RAPGEF5: variants seen among roughly 807,000 people sequenced by gnomAD.
RAPGEF5 encodes Rap guanine nucleotide exchange factor 5.
Under a neutral mutation model 125.2 loss-of-function variants are expected in RAPGEF5, and 65 were observed. That is an observed-to-expected ratio of 0.52 (90% confidence interval 0.43 to 0.64). The LOEUF is 0.64. Among genes scored for constraint, RAPGEF5 ranks in the 30% least tolerant of loss-of-function variants. The pLI is 0.00. For missense variants in RAPGEF5, 958 were observed against 1,048.1 expected (o/e 0.91, Z 1.19); for synonymous variants, 391 against 385.9 (o/e 1.01, Z -0.16).
intron 7 of RAPGEF5, among the ~76,000 whole-genome samples, chr7:22,244,151 T>C (rs554763353): frequency 5.9e-5 from 9 of 152,124 alleles, no homozygotes; most frequent in African/African-American, 9.7e-5. Flanking sequence ...GACTGAATAG[T>C]ATTCTATTGT....
chr7:22,305,758 GTT>G (rs1390599501), intron 5 of RAPGEF5, among the ~76,000 whole-genome samples: 5 of 152,012 alleles, frequency 3.3e-5, no homozygotes, highest in Admixed American at 1.3e-4. Flanking sequence ...GTGTTCATGA[GTT>G]CAGTTGCTTT....
intron 1 of RAPGEF5, among the ~76,000 whole-genome samples, chr7:22,328,641 C>T (rs1783858115): frequency 6.6e-6 from 1 of 152,236 alleles, no homozygotes; most frequent in Non-Finnish European, 1.5e-5. Flanking sequence ...ACTCAAAGCA[C>T]ATTTACTGGT....
intron 8 of RAPGEF5, among the ~76,000 whole-genome samples, chr7:22,229,213 G>C (rs369011679): frequency 1.5e-3 from 225 of 152,242 alleles, no homozygotes; most frequent in African/African-American, 5.1e-3. Flanking sequence ...AAGCAGAAAA[G>C]GTATTTTTAG....
intron 10 of RAPGEF5, 136 bp downstream of exon 10, chr7:22,193,779 T>C: frequency 6.3e-7 from 1 of 1,593,976 alleles, no homozygotes; most frequent in Non-Finnish European, 8.5e-7. Context: ...GCTAGAACGC[T>C]GGAGAGGCGG....
chr7:22,221,582 G>A (rs1486887143), intron 8 of RAPGEF5, among the ~76,000 whole-genome samples: 1 of 152,080 alleles, frequency 6.6e-6, no homozygotes, highest in Non-Finnish European at 1.5e-5. Flanking sequence ...TAATCATAGG[G>A]GCAGGATTTT....
At chr7:22,218,205 G>A (rs1785688075) in intron 9 of RAPGEF5, among the ~76,000 whole-genome samples, 1 of 152,032 alleles carries the variant, frequency 6.6e-6, no homozygotes, top group South Asian at 2.1e-4. Flanking sequence ...CATTGGCCGT[G>A]ACTACTTATA....
chr7:22,326,675 A>G (rs1562530109), intron 1 of RAPGEF5, among the ~76,000 whole-genome samples: 1 of 152,172 alleles, frequency 6.6e-6, no homozygotes, highest in African/African-American at 2.4e-5. Flanking sequence ...TTCCATCTCT[A>G]CTTAGGTTAC....
intron 3 of RAPGEF5, among the ~76,000 whole-genome samples, chr7:22,315,047 A>G (rs958697791): frequency 1.3e-5 from 2 of 152,098 alleles, no homozygotes; most frequent in Non-Finnish European, 2.9e-5. Flanking sequence ...ATCTATATTT[A>G]TTAAAGACCC....
chr7:22,308,577 A>G, intron 4 of RAPGEF5, 70 bp from the exon 5 acceptor site: 1 of 1,234,810 alleles, frequency 8.1e-7, no homozygotes, highest in Non-Finnish European at 1.1e-6. Context: ...AACTCAAATG[A>G]TAAATTGAAA....
At chr7:22,295,645 G>C (rs1783042722) in intron 5 of RAPGEF5, among the ~76,000 whole-genome samples, 1 of 152,090 alleles carries the variant, frequency 6.6e-6, no homozygotes, top group African/African-American at 2.4e-5. Flanking sequence ...ACTAGGACTA[G>C]CTGATTTCAT....
chr7:22,339,363 C>A (rs10226205), intron 1 of RAPGEF5, among the ~76,000 whole-genome samples: 76,923 of 152,028 alleles, frequency 0.51, 19,619 homozygotes, highest in East Asian at 0.56. Context: ...ACCTGTACAG[C>A]TTCACAGCCA....
In RAPGEF5 at chr7:22,156,873, G is replaced by A. The variant is rs746684694; in HGVS notation, c.1573C>T (p.His525Tyr). 1 of 1,613,858 alleles carries A rather than the reference G, an allele frequency of 6.2e-7. No individual in the cohort carries two copies. Among genetic ancestry groups the A allele is most frequent in the Non-Finnish European group, 8.5e-7 (1 of 1,179,828 alleles). Residue 525 changes from histidine (H) to tyrosine (Y), a missense_variant, in exon 16 of 26, where the codon CAC becomes TAC. Transcript: ENST00000665637. ...CAGTTCTCCTTAAGACTGAATTGGTGGAAAAGGGCTTTATTCTGTGAGATG... is the reference window on the plus strand; with the variant it reads ...CAGTTCTCCTTAAGACTGAATTGGTAGAAAAGGGCTTTATTCTGTGAGATG... ...SPQKKNKALF[H>Y]QFSLKENWLQ...
intron 6 of RAPGEF5, among the ~76,000 whole-genome samples, chr7:22,270,085 T>C (rs970231734): frequency 2.6e-5 from 4 of 152,230 alleles, no homozygotes; most frequent in African/African-American, 9.6e-5. Context: ...CTTACTTGTG[T>C]TGACCAGGAA....
intron 8 of RAPGEF5, chr7:22,220,329 G>C: frequency 5.2e-6 from 1 of 192,756 alleles, no homozygotes; most frequent in Non-Finnish European, 1.1e-5. Context: ...AGCCTAGCAA[G>C]AGGTTAAAAA....
intron 16 of RAPGEF5, among the ~76,000 whole-genome samples, chr7:22,155,841 A>G (rs1001909137): frequency 1.3e-5 from 2 of 152,250 alleles, no homozygotes; most frequent in African/African-American, 4.8e-5. Context: ...CTTGCTAAAT[A>G]AACTGATAAA....
chr7:22,147,068 C>T, intron 18 of RAPGEF5, 49 bp from the exon 19 acceptor site: 1 of 1,599,088 alleles, frequency 6.3e-7, no homozygotes. Flanking sequence ...AAATGTTTTG[C>T]ACTGCATTGG....
At chr7:22,259,039 T>C (rs1453743412) in intron 7 of RAPGEF5, among the ~76,000 whole-genome samples, 2 of 152,126 alleles carry the variant, frequency 1.3e-5, no homozygotes. Flanking sequence ...TAAAAACATT[T>C]CTGTTTTGCA....
At chr7:22,239,287 G>A (rs541483520) in intron 7 of RAPGEF5, among the ~76,000 whole-genome samples, 4 of 152,134 alleles carry the variant, frequency 2.6e-5, no homozygotes, top group African/African-American at 9.7e-5. Context: ...ATCCTCCCTA[G>A]GCCTTCCAGC....
At chr7:22,154,730 C>A in intron 16 of RAPGEF5, 126 bp from the exon 17 acceptor site, 1 of 995,128 alleles carries the variant, frequency 1.0e-6, no homozygotes, top group Non-Finnish European at 1.4e-6. Flanking sequence ...TTCAGTATAA[C>A]ACATACAGAG....
Sources: allele counts gnomAD v4.1 joint callset (sites outside exome capture counted in the v4.1 genomes callset), GRCh38; gene constraint gnomAD v4.1.1; transcripts MANE v1.5; gene names NCBI Gene and HGNC (gene_info 2026-07-23, HGNC 2026-07-21).